The following PXDNL variants were observed in gnomAD, a reference collection of about 807,000 sequenced individuals.
The protein encoded by PXDNL is probable oxidoreductase PXDNL.
A neutral mutation model predicts 150.8 loss-of-function variants in PXDNL; 145 were observed. The ratio of observed to expected loss-of-function variants is 0.96; its 90% CI spans 0.84 to 1.10. The LOEUF is 1.10. PXDNL is among the 50% of genes least tolerant of loss of function. The pLI is 0.00. For synonymous variants in PXDNL, 757 were observed against 725.7 expected (o/e 1.04, Z -0.69); for missense variants, 2,087 against 1,873.9 (o/e 1.11, Z -2.10).
At chr8:51,460,255 A>G (rs1420502881) in intron 8 of PXDNL, among the ~76,000 whole-genome samples, 1 of 151,542 alleles carries the variant, frequency 6.6e-6, no homozygotes, top group South Asian at 2.1e-4. Flanking sequence ...TGTCTCAAAA[A>G]AAAAAAAAAT....
chr8:51,537,044 G>A (rs564456859), intron 4 of PXDNL, among the ~76,000 whole-genome samples: 34 of 152,326 alleles, frequency 2.2e-4, no homozygotes, highest in South Asian at 8.3e-4. Context: ...ATGATTGTTA[G>A]GCAAGGTTTG....
At chr8:51,667,020 G>T (rs1815400564) in intron 1 of PXDNL, among the ~76,000 whole-genome samples, 1 of 152,020 alleles carries the variant, frequency 6.6e-6, no homozygotes, top group Admixed American at 6.6e-5. Context: ...CCAGCCCAGT[G>T]CTTCCCACCC....
At chr8:51,522,484 A>G (rs961718752) in intron 4 of PXDNL, among the ~76,000 whole-genome samples, 2 of 152,208 alleles carry the variant, frequency 1.3e-5, no homozygotes, top group Non-Finnish European at 2.9e-5. Context: ...AGAACAAACT[A>G]CCAGAGAAGT....
intron 1 of PXDNL, among the ~76,000 whole-genome samples, chr8:51,731,093 T>C (rs1166146184): frequency 6.6e-6 from 1 of 152,178 alleles, no homozygotes; most frequent in African/African-American, 2.4e-5. Flanking sequence ...CCCAAAGTCT[T>C]TATTCATGTC....
chr8:51,440,485 C>G lies in PXDNL; in HGVS notation c.1525+6519G>C, dbSNP rs367733387. Reference sequence around the variant, plus strand: ...ATAATAATAATTCATGTGGCAGTGACCTTTGGGGATATTACCAGTGAAACA... The same window carrying G: ...ATAATAATAATTCATGTGGCAGTGAGCTTTGGGGATATTACCAGTGAAACA... On this transcript the variant is annotated intron_variant, in intron 12 of 22. Transcript: ENST00000356297. 6.6e-5 allele frequency among the ~76,000 whole-genome samples: 10 copies of G among 152,012 alleles called. No homozygotes were observed. The East Asian group carries it at 1.7e-3, about 27-fold the overall frequency.
rs560099920 is a variant in PXDNL, at chr8:51,607,179, T to C, written c.237-14481A>G. Among the ~76,000 whole-genome samples the C allele has an allele frequency of 3.3e-5, 5 of 152,310 alleles. No homozygotes were observed. The East Asian group carries it at 9.6e-4, about 29-fold the overall frequency. ...GGCTCCATGATCCCACAGACTGATC[T>C]GTATAGCAGTGGACATAGGAAATGG... On this transcript the variant is annotated intron_variant, in intron 2 of 22. Coordinates refer to ENST00000356297, the MANE Select transcript of PXDNL (RefSeq NM_144651.5).
At chr8:51,384,307 T>C (rs1005821171) in intron 17 of PXDNL, among the ~76,000 whole-genome samples, 5 of 151,866 alleles carry the variant, frequency 3.3e-5, no homozygotes, top group African/African-American at 1.2e-4. Context: ...CCCACTAGCA[T>C]GATTAGTCAG....
intron 4 of PXDNL, among the ~76,000 whole-genome samples, chr8:51,511,925 C>T (rs1159364684): frequency 6.6e-6 from 1 of 152,148 alleles, no homozygotes; most frequent in African/African-American, 2.4e-5. Context: ...CCTGAATGCC[C>T]CCATCATCCA....
At chr8:51,504,347 G>C (rs1048084904) in intron 4 of PXDNL, among the ~76,000 whole-genome samples, 3 of 152,116 alleles carry the variant, frequency 2.0e-5, no homozygotes, top group African/African-American at 7.2e-5. Context: ...TGCCCTTCCA[G>C]TATCCCCTTT....
intron 7 of PXDNL, among the ~76,000 whole-genome samples, chr8:51,474,285 G>A (rs905470012): frequency 6.6e-6 from 1 of 151,930 alleles, no homozygotes; most frequent in Non-Finnish European, 1.5e-5. Flanking sequence ...TATTTAAACC[G>A]AAATATAGGA....
intron 2 of PXDNL, among the ~76,000 whole-genome samples, chr8:51,611,962 A>G (rs949004415): frequency 5.3e-5 from 8 of 152,256 alleles, no homozygotes; most frequent in African/African-American, 1.7e-4. Flanking sequence ...GGAGGAAGCC[A>G]GAGGAGCAGA....
At chr8:51,432,668 A>G (rs1376286558) in intron 12 of PXDNL, among the ~76,000 whole-genome samples, 1 of 152,202 alleles carries the variant, frequency 6.6e-6, no homozygotes, top group Non-Finnish European at 1.5e-5. Context: ...TGTTGCTGGC[A>G]TGTAGAACGA....
At chr8:51,535,230 A>T (rs1162999359) in intron 4 of PXDNL, among the ~76,000 whole-genome samples, 3 of 134,148 alleles carry the variant, frequency 2.2e-5, no homozygotes, top group Admixed American at 7.0e-5. Context: ...CCAGCGGCTC[A>T]TTGGGGATGG....
intron 6 of PXDNL, among the ~76,000 whole-genome samples, 196 bp downstream of exon 6, chr8:51,483,447 G>T (rs111479242): frequency 2.4e-4 from 37 of 152,326 alleles, no homozygotes; most frequent in African/African-American, 8.7e-4. Context: ...TCACTTCTAA[G>T]AGAATACATG....
chr8:51,343,240 GA>G (rs1280772602), intron 20 of PXDNL, among the ~76,000 whole-genome samples: 3 of 151,412 alleles, frequency 2.0e-5, no homozygotes, highest in Non-Finnish European at 4.4e-5. Flanking sequence ...GGCACACAGA[GA>G]AAACAAGAAG....
chr8:51,532,069 G>A (rs957811217), intron 4 of PXDNL, among the ~76,000 whole-genome samples: 6 of 129,776 alleles, frequency 4.6e-5, no homozygotes, highest in East Asian at 4.4e-4. Context: ...TTGAGGTTGC[G>A]GGTCTGGTCT....
At chr8:51,455,536 A>G (rs1428233105) in intron 9 of PXDNL, among the ~76,000 whole-genome samples, 1 of 152,186 alleles carries the variant, frequency 6.6e-6, no homozygotes, top group Admixed American at 6.5e-5. Flanking sequence ...AAATGTGATT[A>G]GGGCACGGGG....
chr8:51,422,156 G>A (rs1276201413), intron 14 of PXDNL, among the ~76,000 whole-genome samples: 1 of 152,004 alleles, frequency 6.6e-6, no homozygotes, highest in South Asian at 2.1e-4. Flanking sequence ...ACCCCCAGAT[G>A]GGACCATCTA....
At chr8:51,787,553 G>T (rs1002737325) in intron 1 of PXDNL, among the ~76,000 whole-genome samples, 2 of 152,210 alleles carry the variant, frequency 1.3e-5, no homozygotes, top group Admixed American at 1.3e-4. Flanking sequence ...ACTAGAATTT[G>T]AAGTGGAGCC....
Sources: allele counts gnomAD v4.1 joint callset (sites outside exome capture counted in the v4.1 genomes callset), GRCh38; gene constraint gnomAD v4.1.1; transcripts MANE v1.5; gene names NCBI Gene and HGNC (gene_info 2026-07-23, HGNC 2026-07-21).